The following GATM variants were observed in gnomAD, a reference collection of about 807,000 sequenced individuals.
GATM encodes the protein glycine amidinotransferase.
GATM carries 23 observed loss-of-function variants against 54.2 expected under a neutral mutation model. The ratio of observed to expected loss-of-function variants is 0.42; its 90% CI spans 0.31 to 0.60. The LOEUF is 0.60. Among genes scored for constraint, GATM ranks in the 20% least tolerant of loss-of-function variants. GATM has a pLI of 0.14. For missense variants in GATM, 401 were observed against 544.9 expected (o/e 0.74, Z 2.63); for synonymous variants, 168 against 183.1 (o/e 0.92, Z 0.67).
chr15:45,388,441 T>A (rs1889831463), intron 3 of GATM, among the ~76,000 whole-genome samples: 1 of 152,226 alleles, frequency 6.6e-6, no homozygotes, highest in African/African-American at 2.4e-5. Context: ...CAGACTTTAC[T>A]TGGATCTTAC....
chr15:45,385,614 A>G (rs768496997), intron 3 of GATM, among the ~76,000 whole-genome samples: 2 of 152,218 alleles, frequency 1.3e-5, no homozygotes, highest in African/African-American at 2.4e-5. Flanking sequence ...ATTTTAAAAT[A>G]TGTCAGGTTG....
chr15:45,372,084 G>A (rs1445008121), intron 2 of GATM, among the ~76,000 whole-genome samples: 1 of 152,220 alleles, frequency 6.6e-6, no homozygotes, highest in South Asian at 2.1e-4. Flanking sequence ...GTCTTAAACA[G>A]AGGCTGGTAA....
At chr15:45,374,207 T>C (rs532836581) in intron 2 of GATM, among the ~76,000 whole-genome samples, 8 of 152,214 alleles carry the variant, frequency 5.3e-5, no homozygotes, top group Non-Finnish European at 1.2e-4. Context: ...ATCAAGTTTT[T>C]ATCAAATACC....
intron 2 of GATM, among the ~76,000 whole-genome samples, chr15:45,370,189 A>C (rs1234611348): frequency 1.3e-5 from 2 of 152,086 alleles, no homozygotes; most frequent in Non-Finnish European, 2.9e-5. Flanking sequence ...CAGCCTGGCC[A>C]ACATGGGGAA....
At chr15:45,392,226 T>C (rs1476813913) in intron 3 of GATM, among the ~76,000 whole-genome samples, 1 of 152,132 alleles carries the variant, frequency 6.6e-6, no homozygotes, top group Non-Finnish European at 1.5e-5. Flanking sequence ...AAGGCAAACT[T>C]GGTGACAGAA....
rs889332989 is a variant in GATM, at chr15:45,362,279, GA to G, written c.1160-59del. The G allele has an allele frequency of 8.5e-6, 9 of 1,053,122 alleles. No homozygotes were observed. The Admixed American group carries it at 1.1e-4, about 12-fold the overall frequency. The allele number at this position is 1,053,122 out of a possible 1,614,324, so 65.2% of individuals were successfully genotyped here. On this transcript the variant is annotated intron_variant, in intron 8 of 8. Coordinates refer to ENST00000396659, the MANE Select transcript of GATM (RefSeq NM_001482.3). ...GGACTAACATGACGATTCTCATAGA[GA>G]AAGTAGGCCTACAGACTTGGAGGAG...
At chr15:45,370,783 G>A (rs1889529863) in intron 2 of GATM, among the ~76,000 whole-genome samples, 1 of 152,078 alleles carries the variant, frequency 6.6e-6, no homozygotes, top group Non-Finnish European at 1.5e-5. Flanking sequence ...GTTTGTTTTT[G>A]TTTTTGAGAT....
upstream of GATM, among the ~76,000 whole-genome samples, chr15:45,382,618 C>T (rs1002782016): frequency 6.6e-5 from 10 of 151,090 alleles, no homozygotes; most frequent in Non-Finnish European, 1.2e-4. Context: ...TATGGCAAAA[C>T]CCCGTCTCTA....
chr15:45,387,977 G>T (rs1225327490), intron 3 of GATM, among the ~76,000 whole-genome samples: 1 of 152,124 alleles, frequency 6.6e-6, no homozygotes, highest in Non-Finnish European at 1.5e-5. Context: ...GCAAAATGGT[G>T]CTATAGGTCT....
chr15:45,383,366 G>T (rs1889767651), upstream of GATM, among the ~76,000 whole-genome samples: 1 of 152,224 alleles, frequency 6.6e-6, no homozygotes, highest in South Asian at 2.1e-4. Context: ...TTAAATGCCA[G>T]CTTTCTCCAA....
chr15:45,369,574 T>C, intron 2 of GATM, 53 bp from the exon 3 acceptor site: 2 of 1,510,984 alleles, frequency 1.3e-6, no homozygotes, highest in Non-Finnish European at 1.8e-6. Flanking sequence ...ATACAGCTCA[T>C]GATAGGTTCA....
intron 8 of GATM, among the ~76,000 whole-genome samples, chr15:45,363,480 C>T (rs1289075711): frequency 3.3e-5 from 5 of 152,182 alleles, no homozygotes; most frequent in African/African-American, 9.7e-5. Context: ...ATGCTTATCA[C>T]ACATAAAAGT....
At position 45,378,404 on chromosome 15, in the gene GATM, ACCGCCTCGGCGCCGCGGCTC is replaced by A; in HGVS notation, c.30_49del (p.Ser11AlafsTer36). Reference sequence around the variant, plus strand: ...ACGCACCCGAGATCCGATGTAGTGCACCGCCTCGGCGCCGCGGCTCCCGCCGCGCAGACACCGCACCCGCA... The same window carrying A: ...ACGCACCCGAGATCCGATGTAGTGCACCGCCGCGCAGACACCGCACCCGCA... On this transcript the variant is annotated frameshift_variant, in exon 1 of 9. Coordinates refer to ENST00000396659, the MANE Select transcript of GATM (RefSeq NM_001482.3). LOFTEE classifies it high-confidence loss of function. 1 of 1,508,262 alleles carries A rather than the reference ACCGCCTCGGCGCCGCGGCTC, an allele frequency of 6.6e-7. No individual in the cohort carries two copies. Among genetic ancestry groups the A allele is most frequent in the Non-Finnish European group, 8.8e-7 (1 of 1,135,038 alleles). The allele number at this position is 1,508,262 out of a possible 1,614,324, so 93.4% of individuals were successfully genotyped here. A position where few individuals can be genotyped will look rare whatever the true frequency, so the allele number is the denominator to read the frequency against.
upstream of GATM, chr15:45,378,565 A>G (rs1033502036): frequency 3.7e-6 from 3 of 811,356 alleles, no homozygotes; most frequent in Non-Finnish European, 5.2e-6. Context: ...GCGGGGCCCG[A>G]GGCCTTTTGT....
chr15:45,390,460 G>A (rs1396027805), intron 3 of GATM, among the ~76,000 whole-genome samples: 1 of 152,172 alleles, frequency 6.6e-6, no homozygotes, highest in Non-Finnish European at 1.5e-5. Flanking sequence ...GACCTTTGAT[G>A]CTATGGTTCC....
chr15:45,391,388 G>A (rs1889872812), intron 3 of GATM, among the ~76,000 whole-genome samples: 1 of 152,162 alleles, frequency 6.6e-6, no homozygotes, highest in Non-Finnish European at 1.5e-5. Flanking sequence ...CTCCAACCTG[G>A]GTGACGGAGC....
At chr15:45,373,417 G>C (rs1460285657) in intron 2 of GATM, 1 of 152,120 alleles carries the variant, frequency 6.6e-6, no homozygotes, top group South Asian at 2.1e-4. Context: ...GTGGGAGAAT[G>C]GCATGAACCC....
At chr15:45,375,235 T>A (rs1236839066) in intron 2 of GATM, among the ~76,000 whole-genome samples, 2 of 152,004 alleles carry the variant, frequency 1.3e-5, no homozygotes, top group Non-Finnish European at 2.9e-5. Flanking sequence ...CACGCCTGGC[T>A]AATTTTTGTA....
intron 3 of GATM, among the ~76,000 whole-genome samples, chr15:45,389,517 C>T (rs928437740): frequency 1.3e-5 from 2 of 152,188 alleles, no homozygotes; most frequent in Non-Finnish European, 2.9e-5. Flanking sequence ...AATCTGGGCT[C>T]ACTGCAAGCT....
Sources: gnomAD v4.1 joint callset for allele counts (sites outside exome capture counted in the v4.1 genomes callset) on GRCh38, gnomAD v4.1.1 for gene constraint, MANE v1.5 for transcripts, NCBI Gene and HGNC (gene_info 2026-07-23, HGNC 2026-07-21) for gene names.